Variants in LAPTM4B observed in about 807,000 individuals in gnomAD.
LAPTM4B encodes the protein lysosomal protein transmembrane 4 beta.
LAPTM4B carries 26 observed loss-of-function variants against 28.5 expected under a neutral mutation model. The observed-to-expected ratio is 0.91, with a 90% CI of 0.67 to 1.27. LAPTM4B has a LOEUF of 1.27. Among genes scored for constraint, LAPTM4B ranks in the 50% most tolerant of loss-of-function variants. The probability of loss-of-function intolerance (pLI) is 0.00; values close to 1 mark genes in which losing one functional copy is unlikely to be tolerated. For synonymous variants in LAPTM4B, 109 were observed against 106.4 expected (o/e 1.02, Z -0.15); for missense variants, 288 against 285.8 (o/e 1.01, Z -0.06).
At chr8:97,834,738 T>A (rs1817236663) in intron 6 of LAPTM4B, among the ~76,000 whole-genome samples, 1 of 152,182 alleles carries the variant, frequency 6.6e-6, no homozygotes, top group Non-Finnish European at 1.5e-5. Flanking sequence ...AGTCTTTGAT[T>A]GCTTTCTTAT....
chr8:97,776,385 C>T (rs1816216217), intron 1 of LAPTM4B, among the ~76,000 whole-genome samples: 1 of 152,226 alleles, frequency 6.6e-6, no homozygotes, highest in South Asian at 2.1e-4. Context: ...CGCCGATCTC[C>T]AGCCTCCGCG....
intron 1 of LAPTM4B, among the ~76,000 whole-genome samples, chr8:97,778,268 T>C (rs1816257749): frequency 1.3e-5 from 2 of 152,114 alleles, no homozygotes; most frequent in Admixed American, 6.6e-5. Context: ...TTATAAATAG[T>C]CTTTTGCATT....
intron 6 of LAPTM4B, 34 bp downstream of exon 6, chr8:97,825,187 C>A: frequency 8.9e-7 from 1 of 1,117,762 alleles, no homozygotes; most frequent in Non-Finnish European, 1.4e-6. Context: ...AGAGATCTCG[C>A]CCACACCTTT....
intron 6 of LAPTM4B, among the ~76,000 whole-genome samples, chr8:97,831,802 G>A (rs985170771): frequency 6.6e-6 from 1 of 152,186 alleles, no homozygotes; most frequent in African/African-American, 2.4e-5. Context: ...TCGCTGTTTT[G>A]TGGGCGCAGA....
intron 6 of LAPTM4B, among the ~76,000 whole-genome samples, chr8:97,838,067 A>G (rs1326377700): frequency 2.6e-5 from 4 of 152,208 alleles, no homozygotes; most frequent in African/African-American, 9.6e-5. Context: ...AGGCAGGGTT[A>G]GAGGCAGTGA....
chr8:97,793,053 T>A (rs1816529439), intron 1 of LAPTM4B, among the ~76,000 whole-genome samples: 1 of 145,822 alleles, frequency 6.9e-6, no homozygotes, highest in Non-Finnish European at 1.5e-5. Context: ...GAAAAAAAAA[T>A]ACTGTTGTTG....
intron 1 of LAPTM4B, among the ~76,000 whole-genome samples, chr8:97,800,125 C>G (rs1487594624): frequency 6.6e-6 from 1 of 152,040 alleles, no homozygotes; most frequent in East Asian, 1.9e-4. Flanking sequence ...GTTCTGAGTC[C>G]TAGGGAGTTC....
Position 97,775,799 on chromosome 8 carries a change from T to A in LAPTM4B, c.-211T>A. 1 of 1,574,220 alleles carries A rather than the reference T, an allele frequency of 6.4e-7. No homozygotes were observed. Among genetic ancestry groups the A allele is most frequent in the Non-Finnish European group, 8.6e-7 (1 of 1,167,182 alleles). On this transcript the variant is annotated 5_prime_UTR_variant, in exon 1 of 7. Coordinates refer to ENST00000521545, the MANE Select transcript of LAPTM4B (RefSeq NM_018407.6). ...CCCGCCCCCTCCCCGTCCCCGCCGC[T>A]GCAGCGGTCGCCTTCGGAGCGAAGG... is the stretch of plus-strand genomic sequence containing the variant.
chr8:97,804,440 G>T (rs1816730110), intron 1 of LAPTM4B, among the ~76,000 whole-genome samples: 1 of 152,206 alleles, frequency 6.6e-6, no homozygotes, highest in Non-Finnish European at 1.5e-5. Flanking sequence ...CAGGAGACTT[G>T]TAGAGGTTAG....
intron 6 of LAPTM4B, among the ~76,000 whole-genome samples, chr8:97,846,266 A>G (rs1469873165): frequency 9.9e-5 from 15 of 152,054 alleles, no homozygotes. Flanking sequence ...AGAATTCTAA[A>G]TAAGCCTATA....
rs115788337 is a variant in LAPTM4B, at chr8:97,805,403, G to A, written c.150G>A (p.Pro50=). The A allele has an allele frequency of 3.1e-4, 501 of 1,609,960 alleles. 6 individuals carry two copies. The African/African-American group carries it at 4.4e-3, about 14-fold the overall frequency. ...LLILLSALAD[P]DQYNFSSSEL... The stretch of plus-strand genomic sequence containing the variant: ...TTTTATTGAGTGCCCTGGCTGATCC[G>A]GATCAGTATAACTTTTCAAGTTCTG... The change falls in exon 2 of 7, where the codon CCG becomes CCA. Residue 50 remains proline, a synonymous_variant. Transcript: ENST00000521545.
intron 5 of LAPTM4B, 84 bp downstream of exon 5, chr8:97,819,322 T>C: frequency 5.0e-6 from 4 of 806,624 alleles, no homozygotes; most frequent in Non-Finnish European, 7.9e-6. Context: ...TTGGTCAGTT[T>C]ATTGTCTTTC....
intron 2 of LAPTM4B, among the ~76,000 whole-genome samples, chr8:97,813,498 G>T (rs7843594): frequency 0.45 from 68,679 of 152,086 alleles, 15,986 homozygotes; most frequent in East Asian, 0.58. Flanking sequence ...ATCTCCTTTG[G>T]CAACGCCCTC....
chr8:97,839,005 T>C (rs1016125591), intron 6 of LAPTM4B, among the ~76,000 whole-genome samples: 1 of 152,112 alleles, frequency 6.6e-6, no homozygotes, highest in African/African-American at 2.4e-5. Flanking sequence ...GCATACAGCT[T>C]CAGATAGACT....
At chr8:97,794,173 T>C (rs1461423654) in intron 1 of LAPTM4B, among the ~76,000 whole-genome samples, 1 of 152,048 alleles carries the variant, frequency 6.6e-6, no homozygotes, top group Non-Finnish European at 1.5e-5. Context: ...AGAGATGAGG[T>C]TTCACCATGT....
At chr8:97,818,100 A>G (rs1046786143) in intron 4 of LAPTM4B, among the ~76,000 whole-genome samples, 3 of 152,214 alleles carry the variant, frequency 2.0e-5, no homozygotes, top group African/African-American at 7.2e-5. Flanking sequence ...GGCATGAGCC[A>G]CTGTGCTTGG....
intron 1 of LAPTM4B, among the ~76,000 whole-genome samples, chr8:97,782,140 C>T (rs188331327): frequency 6.6e-6 from 1 of 151,932 alleles, no homozygotes; most frequent in Non-Finnish European, 1.5e-5. Context: ...GCCACCACAC[C>T]TGTTTAATTT....
intron 5 of LAPTM4B, among the ~76,000 whole-genome samples, chr8:97,823,952 G>A (rs750432834): frequency 2.6e-5 from 4 of 151,856 alleles, no homozygotes; most frequent in Non-Finnish European, 4.4e-5. Flanking sequence ...CACCAGCCTC[G>A]GCCTCCCAAA....
chr8:97,817,650 A>G (rs957448709), intron 4 of LAPTM4B, among the ~76,000 whole-genome samples: 3 of 151,816 alleles, frequency 2.0e-5, no homozygotes, highest in Admixed American at 2.0e-4. Flanking sequence ...GGGTTTCACC[A>G]TCTTTTCCAG....
Sources: gnomAD v4.1 joint callset for allele counts (sites outside exome capture counted in the v4.1 genomes callset) on GRCh38, gnomAD v4.1.1 for gene constraint, MANE v1.5 for transcripts, NCBI Gene and HGNC (gene_info 2026-07-23, HGNC 2026-07-21) for gene names.